Variants in PCLO observed in about 807,000 individuals in gnomAD.
The protein encoded by PCLO is piccolo presynaptic cytomatrix protein, also known as protein piccolo.
A neutral mutation model predicts 427.5 loss-of-function variants in PCLO; 82 were observed. The ratio of observed to expected loss-of-function variants is 0.19; its 90% CI spans 0.16 to 0.23. The LOEUF (loss-of-function observed/expected upper bound fraction) is 0.23. Ranked by LOEUF, PCLO falls within the 10% of genes least tolerant of loss-of-function variation. The pLI is 1.00. For missense variants in PCLO, 6,239 were observed against 6,115.9 expected, an observed-to-expected ratio of 1.02 and a Z score of -0.67; for synonymous variants, 2,357 against 2,155.4, an observed-to-expected ratio of 1.09 and a Z score of -2.59.
At chr7:83,096,653 T>C (rs1004211424) in intron 3 of PCLO, among the ~76,000 whole-genome samples, 2 of 140,714 alleles carry the variant, frequency 1.4e-5, no homozygotes, top group African/African-American at 5.3e-5. Context: ...TTATAGTCTC[T>C]AATTTGTCTT....
At chr7:82,873,745 AAAG>A (rs150685625) in intron 10 of PCLO, among the ~76,000 whole-genome samples, 220 of 152,212 alleles carry the variant, frequency 1.4e-3, no homozygotes, top group African/African-American at 5.2e-3. Flanking sequence ...CTTCTGGACT[AAAG>A]AAGAACTGGC....
chr7:83,135,015 T>C lies in PCLO; in HGVS notation c.2535A>G (p.Gln845=), dbSNP rs1791683092. Residue 845 remains glutamine, a synonymous_variant, in exon 3 of 25, where the codon CAA becomes CAG. Transcript: ENST00000333891. Reference sequence around the variant, plus strand: ...CTTCCTTCTTTTGTACGGGGTCAACTTGTTTTTGACCTTTGCTCTCTGAAC... The same window carrying C: ...CTTCCTTCTTTTGTACGGGGTCAACCTGTTTTTGACCTTTGCTCTCTGAAC... ...GPSSESKGQK[Q]VDPVQKKEEP... The C allele has an allele frequency of 1.9e-6, 3 of 1,613,938 alleles. No homozygotes were observed. The highest frequency in any genetic ancestry group is 1.7e-6 in the Non-Finnish European group (2 of 1,179,872).
At chr7:82,777,400 A>G (rs1790777008) in intron 22 of PCLO, among the ~76,000 whole-genome samples, 1 of 152,126 alleles carries the variant, frequency 6.6e-6, no homozygotes, top group African/African-American at 2.4e-5. Flanking sequence ...CTAGAAAAAA[A>G]TATTTTAAAA....
chr7:83,015,746 T>C (rs1346180422), intron 3 of PCLO, among the ~76,000 whole-genome samples: 1 of 152,170 alleles, frequency 6.6e-6, no homozygotes, highest in Non-Finnish European at 1.5e-5. Context: ...TTTAGCTGTA[T>C]AATAGACTAG....
In PCLO at chr7:82,953,551, GAAC is replaced by G. The variant is rs751020233; in HGVS notation, c.7399_7401del (p.Val2467del). 6.2e-7 allele frequency: 1 copy of G among 1,613,190 alleles called. No homozygotes were observed. The highest frequency in any genetic ancestry group is 1.3e-5 in the African/African-American group (1 of 74,902). On this transcript the variant is annotated inframe_deletion, in exon 5 of 25. Transcript: ENST00000333891. ...GTAACAGGTAATCCATTACTTCTCA[GAAC>G]AGCTGTGGTCTCTAGAGTAGTAACA...
Position 82,966,270 on chromosome 7 carries a change from A to C in PCLO, c.3518T>G (p.Leu1173Arg), listed in dbSNP as rs761053170. The change falls in exon 4 of 25, where the codon CTG becomes CGG. Residue 1173 changes from leucine to arginine, a missense_variant. Transcript: ENST00000333891. Reference sequence around the variant, plus strand: ...TGATAGTGTTTCCTTTACTTTTTCCAGAATGACTTTTTCAGCTTCCGTTTT... The same window carrying C: ...TGATAGTGTTTCCTTTACTTTTTCCCGAATGACTTTTTCAGCTTCCGTTTT... ...EVKTEAEKVI[L>R]EKVKETLSME... 76 of 1,612,092 alleles carry C rather than the reference A, an allele frequency of 4.7e-5. No homozygotes were observed. The highest frequency in any genetic ancestry group is 1.2e-4 in the Admixed American group (7 of 59,560).
chr7:82,879,463 C>T lies in PCLO; in HGVS notation c.13529-1G>A. The T allele has an allele frequency of 6.3e-7, 1 of 1,584,152 alleles. No individual in the cohort carries two copies. Among genetic ancestry groups the T allele is most frequent in the East Asian group, 2.3e-5 (1 of 44,272 alleles). On this transcript the variant is annotated splice_acceptor_variant, in intron 9 of 24. Transcript: ENST00000333891. LOFTEE classifies it high-confidence loss of function. Reference sequence around the variant, plus strand: ...ACAATTCTAATTCCTAATCCATTACCTGTATTAAACAATTAGCAAATTATT... The same window carrying T: ...ACAATTCTAATTCCTAATCCATTACTTGTATTAAACAATTAGCAAATTATT...
rs141988647 is a variant in PCLO at position 82,994,276 on chromosome 7, CAGAT to C, written c.3301-27793_3301-27790del. Among the ~76,000 whole-genome samples the C allele has an allele frequency of 3.3e-4, 50 of 151,836 alleles. 2 individuals carry two copies. The East Asian group carries it at 8.9e-3, about 27-fold the overall frequency. On this transcript the variant is annotated intron_variant, in intron 3 of 24. Transcript: ENST00000333891. Reference sequence around the variant, plus strand: ...ACAATTTAAGTGAGATAATGGTAAACAGATAATGACAACATCAGTAATTAATTAA... The same window carrying C: ...ACAATTTAAGTGAGATAATGGTAAACAATGACAACATCAGTAATTAATTAA...
At chr7:82,810,808 T>C (rs1466562924) in intron 20 of PCLO, among the ~76,000 whole-genome samples, 1 of 151,694 alleles carries the variant, frequency 6.6e-6, no homozygotes, top group Non-Finnish European at 1.5e-5. Context: ...TACCACACAG[T>C]ACTTAAATAT....
intron 9 of PCLO, among the ~76,000 whole-genome samples, chr7:82,888,139 A>G (rs1454594799): frequency 6.6e-6 from 1 of 152,116 alleles, no homozygotes; most frequent in African/African-American, 2.4e-5. Flanking sequence ...ATAAAATAGA[A>G]AAAGCCATCT....
At chr7:82,828,817 C>G (rs1792016418) in intron 16 of PCLO, among the ~76,000 whole-genome samples, 1 of 152,132 alleles carries the variant, frequency 6.6e-6, no homozygotes, top group Non-Finnish European at 1.5e-5. Flanking sequence ...CTAACTCTCA[C>G]TGCTTTTTTC....
intron 3 of PCLO, among the ~76,000 whole-genome samples, chr7:83,101,517 T>C (rs892990998): frequency 9.9e-5 from 15 of 152,090 alleles, no homozygotes; most frequent in African/African-American, 2.4e-4. Context: ...AATATGATCA[T>C]AGAAAATAAA....
Position 82,845,402 on chromosome 7 carries a change from C to T in PCLO, c.13915G>A (p.Val4639Ile), listed in dbSNP as rs754980646. 6.2e-7 allele frequency: 1 copy of T among 1,613,258 alleles called. No individual in the cohort carries two copies. Among genetic ancestry groups the T allele is most frequent in the South Asian group, 1.1e-5 (1 of 91,064 alleles). The change falls in exon 13 of 25, where the codon GTT (valine) becomes ATT (isoleucine). Residue 4639 changes from valine (V) to isoleucine (I), a missense_variant. Val to Ile is a conservative substitution (Grantham distance 29). Coordinates refer to ENST00000333891, the MANE Select transcript of PCLO (RefSeq NM_033026.6). ...CCTTTTTCAACAACTGATGACAGAA[C>T]CAGCGGTGACTGCTGTAGTGAAACC... ...QKVSLQQSPL[V>I]LSSVVEKGSH...
chr7:82,915,367 G>C lies in PCLO; in HGVS notation c.12619C>G (p.Gln4207Glu). Residue 4207 changes from glutamine (Q) to glutamate (E), a missense_variant, in exon 7 of 25, where the codon CAA becomes GAA. Coordinates refer to ENST00000333891, the MANE Select transcript of PCLO (RefSeq NM_033026.6). ...TCAGGTTCAAGGTCTCTACTTTCTT[G>C]AATAGGTGAAAATTTTGACATTTTA... is the stretch of plus-strand genomic sequence containing the variant. ...DPKMSKFSPI[Q>E]ESRDLEPDYS... 6.2e-7 allele frequency: 1 copy of C among 1,613,396 alleles called. No individual in the cohort carries two copies. The highest frequency in any genetic ancestry group is 8.5e-7 in the Non-Finnish European group (1 of 1,179,624).
At position 83,001,368 on chromosome 7, in the gene PCLO, A is replaced by G. The variant is rs912242024; in HGVS notation, c.3301-34881T>C. Among the ~76,000 whole-genome samples the G allele has an allele frequency of 4.6e-5, 7 of 152,076 alleles. No homozygotes were observed. In the South Asian group the frequency reaches 1.4e-3, roughly 31 times the overall value. ...GAATGTATGTTAGAGTGAAAAAATA[A>G]TTTCTTGCATAAACAGAAAAATCTT... On this transcript the variant is annotated intron_variant, in intron 3 of 24. Transcript: ENST00000333891.
chr7:82,801,492 A>G, intron 22 of PCLO, 26 bp downstream of exon 22: 1 of 1,289,506 alleles, frequency 7.8e-7, no homozygotes, highest in Non-Finnish European at 1.1e-6. Context: ...TTCAGCCAAA[A>G]TCCAATATTG....
chr7:82,779,920 T>C (rs1562782638), intron 22 of PCLO, among the ~76,000 whole-genome samples: 1 of 152,142 alleles, frequency 6.6e-6, no homozygotes, highest in Non-Finnish European at 1.5e-5. Flanking sequence ...ATAAGGGTTT[T>C]ACATCACAGG....
intron 3 of PCLO, among the ~76,000 whole-genome samples, chr7:83,016,379 T>G (rs547744749): frequency 2.6e-5 from 4 of 152,292 alleles, no homozygotes; most frequent in African/African-American, 9.6e-5. Flanking sequence ...ATGTTAGGGT[T>G]ATAACAAAGA....
chr7:83,002,467 T>C (rs947191329), intron 3 of PCLO, among the ~76,000 whole-genome samples: 1 of 151,974 alleles, frequency 6.6e-6, no homozygotes, highest in Non-Finnish European at 1.5e-5. Flanking sequence ...GTATATTCTG[T>C]AGTTGACAAT....
Sources: gnomAD v4.1 joint callset for allele counts (sites outside exome capture counted in the v4.1 genomes callset) on GRCh38, gnomAD v4.1.1 for gene constraint, MANE v1.5 for transcripts, NCBI Gene and HGNC (gene_info 2026-07-23, HGNC 2026-07-21) for gene names.